The following TMEM177 variants were observed in gnomAD, a reference collection of about 807,000 sequenced individuals.
TMEM177 encodes the protein transmembrane protein 177.
Under a neutral mutation model 14.2 loss-of-function variants are expected in TMEM177, and 4 were observed. The ratio of observed to expected loss-of-function variants is 0.28; its 90% CI spans 0.14 to 0.64. TMEM177 has a LOEUF of 0.64. TMEM177 is among the 30% of genes least tolerant of loss of function. The pLI is 0.82. For synonymous variants in TMEM177, 179 were observed against 174.5 expected (o/e 1.03, Z -0.20); for missense variants, 344 against 405.2 (o/e 0.85, Z 1.30).
the TMEM177 span, among the ~76,000 whole-genome samples, chr2:119,718,637 G>T: frequency 6.6e-6 from 1 of 152,214 alleles, no homozygotes; most frequent in African/African-American, 2.4e-5. Flanking sequence ...TCCGCATCCA[G>T]TGTGTTTTGA....
At chr2:119,720,278 C>CTT in the TMEM177 span, among the ~76,000 whole-genome samples, 6 of 146,164 alleles carry the variant, frequency 4.1e-5, no homozygotes, top group African/African-American at 1.5e-4. Context: ...TTATTCCCAA[C>CTT]TTTTTTTTTT....
the TMEM177 span, among the ~76,000 whole-genome samples, chr2:119,704,687 A>G: frequency 6.6e-6 from 1 of 152,240 alleles, no homozygotes; most frequent in Admixed American, 6.5e-5. Context: ...AACATAAGAA[A>G]ATAAAGTAGG....
the TMEM177 span, among the ~76,000 whole-genome samples, chr2:119,720,088 G>T: frequency 7.1e-3 from 1,080 of 152,068 alleles, 8 homozygotes; most frequent in African/African-American, 0.024. Context: ...GAACCACCGT[G>T]CCCAGCCTAG....
At chr2:119,708,066 C>G in the TMEM177 span, among the ~76,000 whole-genome samples, 1 of 152,204 alleles carries the variant, frequency 6.6e-6, no homozygotes, top group South Asian at 2.1e-4. Flanking sequence ...GCCCCCCAGC[C>G]CAGGGTTGTC....
chr2:119,691,723 G>A, the TMEM177 span, among the ~76,000 whole-genome samples: 192 of 152,314 alleles, frequency 1.3e-3, no homozygotes, highest in African/African-American at 4.2e-3. Flanking sequence ...AGGTCCTGAC[G>A]TGTCAAGGTC....
the TMEM177 span, chr2:119,700,081 C>G: frequency 1.5e-5 from 4 of 260,660 alleles, no homozygotes; most frequent in Non-Finnish European, 2.3e-5. Context: ...GTTCCTAAAC[C>G]AGAAGAGGAG....
chr2:119,684,986 C>T (rs1209187481), downstream of TMEM177, among the ~76,000 whole-genome samples: 1 of 152,142 alleles, frequency 6.6e-6, no homozygotes, highest in African/African-American at 2.4e-5. Flanking sequence ...CTGCACTTTT[C>T]CTTCTCCCAT....
chr2:119,712,421 G>A, the TMEM177 span, among the ~76,000 whole-genome samples: 1 of 152,104 alleles, frequency 6.6e-6, no homozygotes, highest in South Asian at 2.1e-4. Context: ...GGCCTTTAAG[G>A]ATGATTAAGT....
At chr2:119,696,925 T>C in the TMEM177 span, among the ~76,000 whole-genome samples, 7 of 152,294 alleles carry the variant, frequency 4.6e-5, no homozygotes, top group East Asian at 1.4e-3. Flanking sequence ...CCCACCTGTG[T>C]CTGGAAGCTT....
At chr2:119,723,047 A>G in the TMEM177 span, among the ~76,000 whole-genome samples, 7 of 152,172 alleles carry the variant, frequency 4.6e-5, no homozygotes, top group Non-Finnish European at 1.0e-4. Flanking sequence ...TAGTTTTCTC[A>G]GGCCTAATTC....
chr2:119,718,408 T>C, the TMEM177 span, among the ~76,000 whole-genome samples: 14 of 152,164 alleles, frequency 9.2e-5, no homozygotes. Flanking sequence ...CAATCTAATG[T>C]CTCCAGCTGA....
At chr2:119,707,567 A>G in the TMEM177 span, among the ~76,000 whole-genome samples, 6 of 152,346 alleles carry the variant, frequency 3.9e-5, no homozygotes, top group East Asian at 3.9e-4. Context: ...CAGCTGCTGT[A>G]AAATGGAAAT....
At chr2:119,685,220 C>G (rs1214401160), downstream of TMEM177, among the ~76,000 whole-genome samples, 12 of 133,022 alleles carry the variant, frequency 9.0e-5, no homozygotes, top group South Asian at 2.4e-3. Context: ...CCGCCCCCCC[C>G]CCCCTTTGCA....
At position 119,681,688 on chromosome 2, in the gene TMEM177, G is replaced by A. The variant is rs562270009; in HGVS notation, c.835G>A (p.Val279Ile). Residue 279 changes from valine to isoleucine, a missense_variant, in exon 2 of 2, where the codon GTC (valine) becomes ATC (isoleucine). Transcript: ENST00000272521. The part of the protein sequence containing the change: ...EKLYTPSGNI[V>I]PRHLFRIKHL... ...GCTGTATACACCCAGCGGGAACATC[G>A]TCCCCAGACACTTGTTCCGAATCAA... is the stretch of plus-strand genomic sequence containing the variant. 8.7e-6 allele frequency: 14 copies of A among 1,614,158 alleles called. No individual in the cohort carries two copies. The highest frequency in any genetic ancestry group is 1.6e-4 in the Middle Eastern group (1 of 6,062).
At chr2:119,685,581 T>C (rs1689000387), downstream of TMEM177, 2 of 709,752 alleles carry the variant, frequency 2.8e-6, no homozygotes. Flanking sequence ...GACACTGTGC[T>C]AGGTTTTTAG....
At chr2:119,689,942 A>G (rs181571146), downstream of TMEM177, among the ~76,000 whole-genome samples, 1 of 152,350 alleles carries the variant, frequency 6.6e-6, no homozygotes. Flanking sequence ...GAGCCACCCT[A>G]GCTTTGGATT....
chr2:119,720,790 G>A, the TMEM177 span, among the ~76,000 whole-genome samples: 1 of 152,070 alleles, frequency 6.6e-6, no homozygotes, highest in Non-Finnish European at 1.5e-5. Context: ...TGGGTTTTCT[G>A]TTTCTTGCAG....
chr2:119,705,641 T>TGTGTGTGTGC, the TMEM177 span, among the ~76,000 whole-genome samples: 1 of 151,636 alleles, frequency 6.6e-6, no homozygotes, highest in African/African-American at 2.4e-5. Context: ...TGTGTGTGTG[T>TGTGTGTGTGC]GTGTGTGTGT....
At chr2:119,703,212 G>C in the TMEM177 span, among the ~76,000 whole-genome samples, 2 of 152,238 alleles carry the variant, frequency 1.3e-5, no homozygotes, top group Non-Finnish European at 2.9e-5. Flanking sequence ...TTTTCCTCTA[G>C]AACAGTTCTT....
Sources: gnomAD v4.1 joint callset for allele counts (sites outside exome capture counted in the v4.1 genomes callset) on GRCh38, gnomAD v4.1.1 for gene constraint, MANE v1.5 for transcripts, NCBI Gene and HGNC (gene_info 2026-07-23, HGNC 2026-07-21) for gene names.